The following KIF13B variants were observed in gnomAD, a reference collection of about 807,000 sequenced individuals.
The protein encoded by KIF13B is kinesin family member 13B.
In KIF13B, 127 loss-of-function variants were observed where a neutral mutation model predicts 222.0. The ratio of observed to expected loss-of-function variants is 0.57; its 90% CI spans 0.50 to 0.66. KIF13B has a LOEUF of 0.66. KIF13B is among the 30% of genes least tolerant of loss of function. The pLI is 0.00. For synonymous variants in KIF13B, 976 were observed against 919.0 expected (o/e 1.06, Z -1.12); for missense variants, 2,173 against 2,379.0 (o/e 0.91, Z 1.80).
At position 29,132,414 on chromosome 8, in the gene KIF13B, C is replaced by T; in HGVS notation, c.2836G>A (p.Ala946Thr). ...EDFIEHLSEG[A>T]LAIEVYGHKI... ...TGTCCATATACTTCAATTGCCAATG[C>T]TCCTTCGGAAAGATGCTCGATAAAG... Residue 946 changes from alanine to threonine, a missense_variant, in exon 23 of 40, where the codon GCA (alanine) becomes ACA (threonine). This residue lies in a region of KIF13B where 1,480 missense variants were observed against 1,722.8 expected (regional missense o/e 0.86). Coordinates refer to ENST00000524189, the MANE Select transcript of KIF13B (RefSeq NM_015254.4). 1 of 1,586,844 alleles carries T rather than the reference C, an allele frequency of 6.3e-7. No homozygotes were observed. The highest frequency in any genetic ancestry group is 8.6e-7 in the Non-Finnish European group (1 of 1,165,348).
At chr8:29,142,089 G>A in intron 19 of KIF13B, 68 bp downstream of exon 19, 2 of 1,317,468 alleles carry the variant, frequency 1.5e-6, no homozygotes, top group Non-Finnish European at 2.2e-6. Context: ...CCCTGAAATG[G>A]GTAGACTCAT....
intron 1 of KIF13B, 110 bp downstream of exon 1, chr8:29,262,870 G>C (rs1474450917): frequency 4.8e-6 from 4 of 838,180 alleles, no homozygotes; most frequent in African/African-American, 3.7e-5. Flanking sequence ...CTCGCGCCCC[G>C]CCGCTGACTA....
intron 3 of KIF13B, among the ~76,000 whole-genome samples, chr8:29,193,639 C>T (rs556233057): frequency 6.6e-6 from 1 of 152,314 alleles, no homozygotes; most frequent in South Asian, 2.1e-4. Flanking sequence ...GGGACTGCTT[C>T]CAGGACCTCC....
intron 2 of KIF13B, among the ~76,000 whole-genome samples, chr8:29,200,003 T>A (rs1481206812): frequency 6.6e-6 from 1 of 152,214 alleles, no homozygotes; most frequent in East Asian, 1.9e-4. Context: ...AAACATCAAC[T>A]CTTCCTAAGA....
chr8:29,111,831 A>G (rs983622917), intron 32 of KIF13B, among the ~76,000 whole-genome samples: 1 of 152,254 alleles, frequency 6.6e-6, no homozygotes, highest in East Asian at 1.9e-4. Context: ...GTTTAGATAC[A>G]CAGAGTAAAC....
At chr8:29,116,418 A>G (rs1196341358) in intron 31 of KIF13B, among the ~76,000 whole-genome samples, 1 of 152,114 alleles carries the variant, frequency 6.6e-6, no homozygotes, top group Non-Finnish European at 1.5e-5. Flanking sequence ...GCAGTGAGCT[A>G]TGATCGCATC....
chr8:29,079,086 A>G (rs908682135), intron 37 of KIF13B, among the ~76,000 whole-genome samples: 1 of 152,200 alleles, frequency 6.6e-6, no homozygotes, highest in Non-Finnish European at 1.5e-5. Flanking sequence ...CCTTGACATG[A>G]CATATACAAT....
At chr8:29,165,841 A>G in intron 11 of KIF13B, 69 bp from the exon 12 acceptor site, 1 of 1,040,194 alleles carries the variant, frequency 9.6e-7, no homozygotes, top group Non-Finnish European at 1.5e-6. Context: ...GCCAACTCTA[A>G]AAGGACAAAA....
chr8:29,146,280 A>G, intron 18 of KIF13B, 98 bp downstream of exon 18: 3 of 1,214,360 alleles, frequency 2.5e-6, no homozygotes, highest in Non-Finnish European at 3.7e-6. Flanking sequence ...GACTTGGGGC[A>G]GGCACAGACA....
chr8:29,202,298 G>A (rs1014327456), intron 2 of KIF13B, among the ~76,000 whole-genome samples: 4 of 152,144 alleles, frequency 2.6e-5, no homozygotes, highest in African/African-American at 7.2e-5. Context: ...GGGGAAGGTT[G>A]CCGCAAGTGG....
chr8:29,084,554 G>A (rs774321669), intron 37 of KIF13B, among the ~76,000 whole-genome samples: 1 of 152,174 alleles, frequency 6.6e-6, no homozygotes, highest in African/African-American at 2.4e-5. Flanking sequence ...AACCAAAAGG[G>A]ACAGACACAT....
chr8:29,213,327 T>G (rs886518784), intron 2 of KIF13B, among the ~76,000 whole-genome samples: 4 of 152,234 alleles, frequency 2.6e-5, no homozygotes, highest in African/African-American at 7.2e-5. Flanking sequence ...ACATATTATT[T>G]TCTCTAATTC....
intron 2 of KIF13B, among the ~76,000 whole-genome samples, chr8:29,240,449 G>T (rs527535128): frequency 4.8e-4 from 73 of 152,252 alleles, no homozygotes; most frequent in African/African-American, 1.7e-3. Flanking sequence ...AGAGAGAAAG[G>T]GTTCCTATGT....
chr8:29,095,217 A>G (rs904224934), intron 36 of KIF13B, among the ~76,000 whole-genome samples: 7 of 152,214 alleles, frequency 4.6e-5, no homozygotes, highest in African/African-American at 9.6e-5. Flanking sequence ...CCACAAAGAT[A>G]AAGAGAAACT....
rs376092790 is a variant in KIF13B, at chr8:29,181,885, A to C, written c.585+34T>G. The C allele has an allele frequency of 3.3e-6, 5 of 1,510,360 alleles. No individual in the cohort carries two copies. In the African/African-American group the frequency reaches 6.9e-5, roughly 21 times the overall value. The allele number at this position is 1,510,360 out of a possible 1,614,324, so 93.6% of individuals were successfully genotyped here. Reference sequence around the variant, plus strand: ...AAAAAGAGCCCCACCCTACTACACTAAATTTAAATAGTTCACATACAGGAT... The same window carrying C: ...AAAAAGAGCCCCACCCTACTACACTCAATTTAAATAGTTCACATACAGGAT... On this transcript the variant is annotated intron_variant, in intron 7 of 39. Transcript: ENST00000524189.
chr8:29,095,992 T>G (rs1022299222), intron 36 of KIF13B, among the ~76,000 whole-genome samples: 1 of 151,720 alleles, frequency 6.6e-6, no homozygotes, highest in Non-Finnish European at 1.5e-5. Flanking sequence ...TTTTGTTTTT[T>G]TTTTTTTAAG....
chr8:29,193,645 C>T (rs1813287763), intron 3 of KIF13B, among the ~76,000 whole-genome samples: 1 of 152,182 alleles, frequency 6.6e-6, no homozygotes, highest in Non-Finnish European at 1.5e-5. Flanking sequence ...GCTTCCAGGA[C>T]CTCCCATGAA....
chr8:29,149,922 T>C (rs144808479), intron 15 of KIF13B, among the ~76,000 whole-genome samples: 51 of 152,072 alleles, frequency 3.4e-4, no homozygotes, highest in African/African-American at 1.2e-3. Context: ...CCTTATTTTA[T>C]AGATAAGGAA....
intron 18 of KIF13B, among the ~76,000 whole-genome samples, chr8:29,145,492 G>A (rs1042042711): frequency 1.5e-4 from 23 of 152,100 alleles, no homozygotes; most frequent in East Asian, 3.9e-4. Context: ...TTAGTCCAGC[G>A]TGGTGGCACA....
Sources: allele counts gnomAD v4.1 joint callset (sites outside exome capture counted in the v4.1 genomes callset), GRCh38; gene constraint gnomAD v4.1.1; regional missense constraint gnomAD v4.1.1; transcripts MANE v1.5; gene names NCBI Gene and HGNC (gene_info 2026-07-23, HGNC 2026-07-21).